WDR33: variants seen among roughly 807,000 people sequenced by gnomAD.
WDR33 encodes the protein WD repeat domain 33.
Under a neutral mutation model 164.9 loss-of-function variants are expected in WDR33, and 47 were observed. That is an observed-to-expected ratio of 0.29 (90% CI 0.23 to 0.36). The LOEUF is 0.36. Ranked by LOEUF, WDR33 falls within the 10% of genes least tolerant of loss-of-function variation. The pLI is 1.00. For missense variants in WDR33, 1,137 were observed against 1,754.1 expected, an observed-to-expected ratio of 0.65 and a Z score of 6.28; for synonymous variants, 505 against 589.0, an observed-to-expected ratio of 0.86 and a Z score of 2.06.
In WDR33 at chr2:127,735,543, GGCA is replaced by G; in HGVS notation, c.725-8769_725-8767del. On this transcript the variant is annotated intron_variant, in intron 7 of 21. Coordinates refer to ENST00000322313, the MANE Select transcript of WDR33 (RefSeq NM_018383.5). The surrounding 1 kb of genome is among the most constrained non-coding windows in gnomAD (Gnocchi z 4.3). ...GATTTTCTAATACAGGAAGAAAAAA[GGCA>G]AACAAAGAATTCAAGTACCATCTTG... The G allele has an allele frequency of 1.0e-6, 1 of 985,574 alleles. No homozygotes were observed. The highest frequency in any genetic ancestry group is 1.2e-6 in the Non-Finnish European group (1 of 829,808). The allele number at this position is 985,574 out of a possible 1,614,324, so 61.1% of individuals were successfully genotyped here. A position where few individuals can be genotyped will look rare whatever the true frequency, so the allele number is the denominator to read the frequency against.
chr2:127,809,279 T>C (rs1050169447), intron 1 of WDR33, among the ~76,000 whole-genome samples: 1 of 152,066 alleles, frequency 6.6e-6, no homozygotes, highest in Non-Finnish European at 1.5e-5. Context: ...AAAAATATAA[T>C]TAAAGCCTTA....
At chr2:127,732,389 T>G (rs1431621398) in intron 7 of WDR33, among the ~76,000 whole-genome samples, 7 of 151,938 alleles carry the variant, frequency 4.6e-5, no homozygotes, top group Non-Finnish European at 7.4e-5. Context: ...GAGGCTGCAG[T>G]GAACTGATTG....
chr2:127,708,957 A>G lies in WDR33; in HGVS notation c.3566-65T>C. The G allele has an allele frequency of 6.9e-7, 1 of 1,444,978 alleles. No individual in the cohort carries two copies. The highest frequency in any genetic ancestry group is 1.5e-5 in the South Asian group (1 of 67,730). The allele number at this position is 1,444,978 out of a possible 1,614,324, so 89.5% of individuals were successfully genotyped here. A position where few individuals can be genotyped will look rare whatever the true frequency, so the allele number is the denominator to read the frequency against. ...GTGACCAGAAGTAGATGGGAATGACACTGTGAGAGTAAGGAGCAACTCGAG... is the reference window on the plus strand; with the variant it reads ...GTGACCAGAAGTAGATGGGAATGACGCTGTGAGAGTAAGGAGCAACTCGAG... On this transcript the variant is annotated intron_variant, in intron 20 of 21. Transcript: ENST00000322313. This position sits in a 1 kb window ranked among gnomAD's most constrained non-coding sequence, Gnocchi z 6.7.
chr2:127,750,447 G>T (rs1002704226), intron 7 of WDR33, among the ~76,000 whole-genome samples: 1 of 151,056 alleles, frequency 6.6e-6, no homozygotes, highest in Non-Finnish European at 1.5e-5. Context: ...AGGAGCTCGA[G>T]ACCAGCCTGG....
intron 1 of WDR33, among the ~76,000 whole-genome samples, chr2:127,772,509 T>TA (rs998070408): frequency 4.6e-5 from 7 of 152,224 alleles, no homozygotes; most frequent in Admixed American, 4.6e-4. Flanking sequence ...CTCCATTTTA[T>TA]ACAAGTCATT....
chr2:127,736,103 T>C (rs895214287), intron 7 of WDR33: 1 of 985,450 alleles, frequency 1.0e-6, no homozygotes, highest in Middle Eastern at 5.2e-4. Context: ...TCTGAGAGCC[T>C]TCAGTCCTTT....
In WDR33 at chr2:127,701,950, C is replaced by T. The variant is rs760573967; in HGVS notation, c.*4373G>A. 1.4e-6 allele frequency: 2 copies of T among 1,408,342 alleles called. No individual in the cohort carries two copies. Among genetic ancestry groups the T allele is most frequent in the Non-Finnish European group, 9.2e-7 (1 of 1,088,134 alleles). The allele number at this position is 1,408,342 out of a possible 1,614,324, so 87.2% of individuals were successfully genotyped here. A position where few individuals can be genotyped will look rare whatever the true frequency, so the allele number is the denominator to read the frequency against. ...GGACGCCTGCTGCGCTGCGAAGAAG[C>T]GCCGTCCCGGCCCGCGCTGCTCTAC... On this transcript the variant is annotated 3_prime_UTR_variant, in exon 22 of 22. Coordinates refer to ENST00000322313, the MANE Select transcript of WDR33 (RefSeq NM_018383.5).
At chr2:127,785,857 T>C (rs28834689) in intron 1 of WDR33, among the ~76,000 whole-genome samples, 3,231 of 152,282 alleles carry the variant, frequency 0.021, 122 homozygotes, top group African/African-American at 0.075. Context: ...CTAGATCACA[T>C]GATAAGGGTA....
rs567957802 is a variant in WDR33 at position 127,738,884 on chromosome 2, A to C, written c.725-12107T>G. Among the ~76,000 whole-genome samples, 5 of 152,314 alleles carry C rather than the reference A, an allele frequency of 3.3e-5. No individual in the cohort carries two copies. Among genetic ancestry groups the C allele is most frequent in the Admixed American group, 3.3e-4 (5 of 15,296 alleles). On this transcript the variant is annotated intron_variant, in intron 7 of 21. Coordinates refer to ENST00000322313, the MANE Select transcript of WDR33 (RefSeq NM_018383.5). The surrounding 1 kb of genome is among the most constrained non-coding windows in gnomAD (Gnocchi z 4.4). ...TGAAGAGGAGGAGGAGAATGGAACA[A>C]AATCTTGAAAGTGCTGAAATAGGGG...
intron 7 of WDR33, among the ~76,000 whole-genome samples, chr2:127,754,403 C>T (rs1344755081): frequency 2.6e-5 from 4 of 152,114 alleles, no homozygotes; most frequent in African/African-American, 9.7e-5. Context: ...ATAGCTCACA[C>T]AACAGTCCGT....
chr2:127,731,022 G>A (rs564756985), intron 7 of WDR33, among the ~76,000 whole-genome samples: 2 of 152,018 alleles, frequency 1.3e-5, no homozygotes, highest in East Asian at 3.9e-4. Context: ...GATCAGGCAC[G>A]GTGGCGCATG....
chr2:127,765,389 T>G lies in WDR33; in HGVS notation c.379-120A>C. The G allele has an allele frequency of 9.9e-6, 7 of 710,446 alleles. No individual in the cohort carries two copies. The Middle Eastern group carries it at 1.5e-3, about 153-fold the overall frequency. 44.0% of individuals were successfully genotyped at this position (710,446 alleles called of 1,614,324 possible). A position where few individuals can be genotyped will look rare whatever the true frequency, so the allele number is the denominator to read the frequency against. On this transcript the variant is annotated intron_variant, in intron 4 of 21. Coordinates refer to ENST00000322313, the MANE Select transcript of WDR33 (RefSeq NM_018383.5). ...TTAAATAATGATACTGACTTTCACT[T>G]AAATGTAGCTCAGCTTTATCAGAAG...
At position 127,718,269 on chromosome 2, in the gene WDR33, G is replaced by A. The variant is rs560660212; in HGVS notation, c.2760+996C>T. ...TATTTGAAAAACCAAAACAGACTGT[G>A]CTTTCTACATCTGTAGCATCCCCTT... On this transcript the variant is annotated intron_variant, in intron 16 of 21. Transcript: ENST00000322313. The surrounding 1 kb of genome is among the most constrained non-coding windows in gnomAD (Gnocchi z 4.4). Among the ~76,000 whole-genome samples, 19 of 151,870 alleles carry A rather than the reference G, an allele frequency of 1.3e-4. No homozygotes were observed. The highest frequency in any genetic ancestry group is 1.8e-4 in the Non-Finnish European group (12 of 67,944).
rs1558943152 is a variant in WDR33 at position 127,763,927 on chromosome 2, A to G, written c.627-768T>C. On this transcript the variant is annotated intron_variant, in intron 6 of 21. Coordinates refer to ENST00000322313, the MANE Select transcript of WDR33 (RefSeq NM_018383.5). This position sits in a 1 kb window ranked among gnomAD's most constrained non-coding sequence, Gnocchi z 4.5. ...GCATGACACTAAGGCAAAATCTACA[A>G]AGCAGAAGCATGTTCATCCAACAAT... 2 of 985,794 alleles carry G rather than the reference A, an allele frequency of 2.0e-6. No homozygotes were observed. Among genetic ancestry groups the G allele is most frequent in the East Asian group, 2.3e-4 (2 of 8,826 alleles). The allele number at this position is 985,794 out of a possible 1,614,324, so 61.1% of individuals were successfully genotyped here. A position where few individuals can be genotyped will look rare whatever the true frequency, so the allele number is the denominator to read the frequency against.
chr2:127,711,776 A>ATTTTTTTTT (rs1284723078), intron 18 of WDR33, among the ~76,000 whole-genome samples: 28 of 94,074 alleles, frequency 3.0e-4, no homozygotes, highest in South Asian at 8.1e-4. Flanking sequence ...ATATATATAT[A>ATTTTTTTTT]TATATTTTTT....
chr2:127,701,865 TCAC>T lies in WDR33; in HGVS notation c.*4455_*4457del, dbSNP rs749023135. 1.7e-5 allele frequency: 25 copies of T among 1,460,490 alleles called. No individual in the cohort carries two copies. In the South Asian group the frequency reaches 3.1e-4, roughly 18 times the overall value. 90.5% of individuals were successfully genotyped at this position (1,460,490 alleles called of 1,614,324 possible). ...CGCGCGCAAGTTCGCGCTGCTCTGG[TCAC>T]TGGGCTCGGCGCTGGCGTTGGCGGG... On this transcript the variant is annotated 3_prime_UTR_variant, in exon 22 of 22. Transcript: ENST00000322313.
At position 127,739,138 on chromosome 2, in the gene WDR33, T is replaced by A. The variant is rs368103596; in HGVS notation, c.725-12361A>T. On this transcript the variant is annotated intron_variant, in intron 7 of 21. Transcript: ENST00000322313. ...TACCAGTATCTACTCGTGAAGGTGT[T>A]TAAAATCTGCCATGTTCTTTTTCTT... Among the ~76,000 whole-genome samples the A allele has an allele frequency of 1.9e-3, 284 of 152,354 alleles. 1 individual carries two copies. The highest frequency in any genetic ancestry group is 0.012 in the South Asian group (59 of 4,834).
At chr2:127,784,407 CAG>C (rs1005061044) in intron 1 of WDR33, among the ~76,000 whole-genome samples, 2 of 152,076 alleles carry the variant, frequency 1.3e-5, no homozygotes, top group Admixed American at 6.6e-5. Flanking sequence ...TTTTTCGAGA[CAG>C]GGTCTCACTC....
rs1558919467 is a variant in WDR33 at position 127,711,782 on chromosome 2, T to TATATATA, written c.3308+1800_3308+1801insTATATAT. On this transcript the variant is annotated intron_variant, in intron 18 of 21. Coordinates refer to ENST00000322313, the MANE Select transcript of WDR33 (RefSeq NM_018383.5). ...TATATATATATATATATATATATAT[T>TATATATA]TTTTTTTTGAGACAGAGTCTCGCCC... is the stretch of plus-strand genomic sequence containing the variant. 1.0e-2 allele frequency among the ~76,000 whole-genome samples: 839 copies of TATATATA among 84,206 alleles called. 7 individuals carry two copies. Among genetic ancestry groups the TATATATA allele is most frequent in the Non-Finnish European group, 0.012 (568 of 47,406 alleles). The allele number at this position is 84,206 out of a possible 152,430, so 55.2% of individuals were successfully genotyped here.
Sources: allele counts gnomAD v4.1 joint callset (sites outside exome capture counted in the v4.1 genomes callset), GRCh38; gene constraint gnomAD v4.1.1; non-coding constraint Gnocchi (gnomAD v3.1); transcripts MANE v1.5; gene names NCBI Gene and HGNC (gene_info 2026-07-23, HGNC 2026-07-21).